FAM171A1: variants seen among roughly 807,000 people sequenced by gnomAD.
FAM171A1 encodes protein FAM171A1.
A neutral mutation model predicts 74.9 loss-of-function variants in FAM171A1; 23 were observed. The ratio of observed to expected loss-of-function variants is 0.31; its 90% CI spans 0.22 to 0.44. The LOEUF (loss-of-function observed/expected upper bound fraction) is 0.44, where lower values mean the gene tolerates loss of function less well. Ranked by LOEUF, FAM171A1 falls within the 20% of genes least tolerant of loss-of-function variation. The probability of loss-of-function intolerance (pLI) is 1.00; values close to 1 mark genes in which losing one functional copy is unlikely to be tolerated. For synonymous variants in FAM171A1, 527 were observed against 505.7 expected (o/e 1.04, Z -0.57); for missense variants, 1,162 against 1,159.2 (o/e 1.00, Z -0.03).
intron 1 of FAM171A1, among the ~76,000 whole-genome samples, chr10:15,334,424 A>G (rs1428958521): frequency 6.6e-6 from 1 of 152,218 alleles, no homozygotes; most frequent in Non-Finnish European, 1.5e-5. Flanking sequence ...TTGGTGGTTA[A>G]CCGCTAAAGT....
At chr10:15,215,214 G>C (rs1210795647) in intron 7 of FAM171A1, among the ~76,000 whole-genome samples, 3 of 152,056 alleles carry the variant, frequency 2.0e-5, no homozygotes, top group African/African-American at 7.2e-5. Context: ...AAAATGCTTT[G>C]CATTTTTAAA....
chr10:15,319,361 G>C (rs950372549), intron 1 of FAM171A1, among the ~76,000 whole-genome samples: 3 of 152,152 alleles, frequency 2.0e-5, no homozygotes, highest in African/African-American at 7.2e-5. Flanking sequence ...AGATACAATG[G>C]ACTTTGGGGA....
upstream of FAM171A1, among the ~76,000 whole-genome samples, chr10:15,371,290 A>T (rs1328362706): frequency 7.3e-6 from 1 of 136,314 alleles, no homozygotes; most frequent in Non-Finnish European, 1.6e-5. Context: ...CCAGCTCCTT[A>T]ACCCCTTCCT....
At chr10:15,223,798 C>T (rs1834070164) in intron 5 of FAM171A1, among the ~76,000 whole-genome samples, 1 of 152,180 alleles carries the variant, frequency 6.6e-6, no homozygotes, top group Non-Finnish European at 1.5e-5. Flanking sequence ...ACTGGGGTGG[C>T]TGAGGCAGGA....
At position 15,212,066 on chromosome 10, in the gene FAM171A1, A is replaced by T. The variant is rs968571275; in HGVS notation, c.*849T>A. On this transcript the variant is annotated 3_prime_UTR_variant, in exon 8 of 8. Transcript: ENST00000378116. ...CAGCATGCAGTTTAAAGCAAAAGAGACATCCTTTAATAACTGTATAAAATC... is the reference window on the plus strand; with the variant it reads ...CAGCATGCAGTTTAAAGCAAAAGAGTCATCCTTTAATAACTGTATAAAATC... The T allele has an allele frequency of 2.4e-4, 36 of 152,754 alleles. No homozygotes were observed. The highest frequency in any genetic ancestry group is 8.2e-4 in the African/African-American group (34 of 41,574). 9.5% of individuals were successfully genotyped at this position (152,754 alleles called of 1,614,324 possible). A position where few individuals can be genotyped will look rare whatever the true frequency, so the allele number is the denominator to read the frequency against.
At chr10:15,359,026 C>T (rs759162796) in intron 1 of FAM171A1, among the ~76,000 whole-genome samples, 3 of 152,154 alleles carry the variant, frequency 2.0e-5, no homozygotes, top group East Asian at 3.9e-4. Context: ...ATGATATTTA[C>T]GCTGCATGCG....
chr10:15,331,262 G>C (rs1456397193), intron 1 of FAM171A1, among the ~76,000 whole-genome samples: 1 of 152,190 alleles, frequency 6.6e-6, no homozygotes, highest in Non-Finnish European at 1.5e-5. Flanking sequence ...TGGAGGGGAG[G>C]CGTCACCAGG....
chr10:15,264,621 CA>C (rs138066525), intron 3 of FAM171A1, among the ~76,000 whole-genome samples: 8,613 of 138,330 alleles, frequency 0.062, 289 homozygotes, highest in Middle Eastern at 0.081. Flanking sequence ...CCTGTTTCTA[CA>C]AAAAAAAAAA....
At chr10:15,321,118 G>C (rs1835481627) in intron 1 of FAM171A1, among the ~76,000 whole-genome samples, 1 of 152,198 alleles carries the variant, frequency 6.6e-6, no homozygotes, top group African/African-American at 2.4e-5. Context: ...GTTCAAGTTT[G>C]CTACTGGGGA....
rs71505064 is a variant in FAM171A1 at position 15,288,813 on chromosome 10, C to CTTTTTT, written c.98-4714_98-4709dup. Among the ~76,000 whole-genome samples the CTTTTTT allele has an allele frequency of 2.8e-3, 207 of 73,692 alleles. 23 individuals are homozygous for CTTTTTT. The highest frequency in any genetic ancestry group is 3.8e-3 in the Non-Finnish European group (148 of 39,414). 48.3% of individuals were successfully genotyped at this position (73,692 alleles called of 152,430 possible). ...AAAATGTCAGTATGATTCGGTAATTCTTTTTTTTTTTTTTTTTTTTTTTTT... is the reference window on the plus strand; with the variant it reads ...AAAATGTCAGTATGATTCGGTAATTCTTTTTTTTTTTTTTTTTTTTTTTTTTTTTTT... On this transcript the variant is annotated intron_variant, in intron 1 of 7. Transcript: ENST00000378116.
chr10:15,281,898 G>T (rs1176251426), intron 2 of FAM171A1, among the ~76,000 whole-genome samples: 1 of 152,064 alleles, frequency 6.6e-6, no homozygotes, highest in Non-Finnish European at 1.5e-5. Context: ...GATGGGAATG[G>T]TTTTTCTCAA....
chr10:15,215,474 TC>T (rs1280151128), intron 7 of FAM171A1, among the ~76,000 whole-genome samples: 1 of 152,146 alleles, frequency 6.6e-6, no homozygotes, highest in East Asian at 1.9e-4. Flanking sequence ...CAAGCAATTC[TC>T]CTGCCTCAGC....
intron 1 of FAM171A1, 76 bp from the exon 2 acceptor site, chr10:15,284,181 G>A: frequency 7.3e-7 from 1 of 1,369,710 alleles, no homozygotes; most frequent in Non-Finnish European, 1.0e-6. Flanking sequence ...TGACTGTGAT[G>A]GGAAGTGGAA....
At chr10:15,366,147 T>C (rs1836058774) in intron 1 of FAM171A1, among the ~76,000 whole-genome samples, 1 of 152,042 alleles carries the variant, frequency 6.6e-6, no homozygotes, top group African/African-American at 2.4e-5. Flanking sequence ...TGAGATGGAG[T>C]TTCATTCTGT....
chr10:15,344,026 T>C (rs1460678974), intron 1 of FAM171A1, among the ~76,000 whole-genome samples: 6 of 152,212 alleles, frequency 3.9e-5, no homozygotes, highest in African/African-American at 1.4e-4. Context: ...ACCTCAGGGA[T>C]GGAAGACTGG....
At chr10:15,312,289 C>T (rs1260530982) in intron 1 of FAM171A1, among the ~76,000 whole-genome samples, 5 of 145,634 alleles carry the variant, frequency 3.4e-5, no homozygotes, top group South Asian at 2.1e-4. Flanking sequence ...AATGGAGAGA[C>T]GCTCACTCCA....
intron 1 of FAM171A1, among the ~76,000 whole-genome samples, chr10:15,286,037 C>T (rs1311676391): frequency 1.3e-4 from 20 of 152,216 alleles, no homozygotes. Context: ...TCCCCATTTG[C>T]TAACTGGGAA....
chr10:15,357,004 C>G (rs954859231), intron 1 of FAM171A1, among the ~76,000 whole-genome samples: 2 of 151,830 alleles, frequency 1.3e-5, no homozygotes, highest in Non-Finnish European at 2.9e-5. Context: ...AAAGGCCGGG[C>G]ACAGTGGCTC....
At position 15,281,738 on chromosome 10, in the gene FAM171A1, G is replaced by A. The variant is rs1834973044; in HGVS notation, c.325+2140C>T. Among the ~76,000 whole-genome samples the A allele has an allele frequency of 2.0e-5, 3 of 152,288 alleles. No homozygotes were observed. In the South Asian group the frequency reaches 6.2e-4, roughly 32 times the overall value. ...TAACCAGGTGTGGTGGTGTGCTCCT[G>A]TAATCCCAGCTACTCAGGAGGCTGA... On this transcript the variant is annotated intron_variant, in intron 2 of 7. Coordinates refer to ENST00000378116, the MANE Select transcript of FAM171A1 (RefSeq NM_001010924.2).
Sources: allele counts gnomAD v4.1 joint callset (sites outside exome capture counted in the v4.1 genomes callset), GRCh38; gene constraint gnomAD v4.1.1; transcripts MANE v1.5; gene names NCBI Gene and HGNC (gene_info 2026-07-23, HGNC 2026-07-21).